KANK1: variants seen among roughly 807,000 people sequenced by gnomAD.
The protein encoded by KANK1 is KN motif and ankyrin repeat domain-containing protein 1.
A neutral mutation model predicts 106.2 loss-of-function variants in KANK1; 109 were observed. The ratio of observed to expected loss-of-function variants is 1.03; its 90% confidence interval spans 0.88 to 1.20. The LOEUF (loss-of-function observed/expected upper bound fraction) is 1.20. KANK1 is among the 50% of genes most tolerant of loss of function. The probability of loss-of-function intolerance (pLI) is 0.00; values close to 1 mark genes in which losing one functional copy is unlikely to be tolerated. For synonymous variants in KANK1, 873 were observed against 652.2 expected (o/e 1.34, Z -5.16); for missense variants, 2,399 against 1,710.7 (o/e 1.40, Z -7.10).
intron 1 of KANK1, among the ~76,000 whole-genome samples, chr9:566,645 G>A (rs567723965): frequency 9.6e-4 from 146 of 152,194 alleles, no homozygotes; most frequent in African/African-American, 3.3e-3. Context: ...CTTGTTGGCC[G>A]CATGTGTGTC....
At chr9:635,428 C>T (rs746158353) in intron 1 of KANK1, among the ~76,000 whole-genome samples, 9 of 152,106 alleles carry the variant, frequency 5.9e-5, no homozygotes, top group African/African-American at 1.9e-4. Flanking sequence ...TCATGTGCTT[C>T]GTAGAGAACC....
At chr9:589,698 A>C (rs768733075) in intron 1 of KANK1, among the ~76,000 whole-genome samples, 1 of 152,168 alleles carries the variant, frequency 6.6e-6, no homozygotes, top group Non-Finnish European at 1.5e-5. Flanking sequence ...TGAAATAGAA[A>C]GGAACATTAA....
Position 505,554 on chromosome 9 carries a change from C to G in KANK1, c.-84+800C>G, listed in dbSNP as rs112910454. Among the ~76,000 whole-genome samples the G allele has an allele frequency of 3.4e-3, 523 of 152,342 alleles. 6 individuals carry two copies. The highest frequency in any genetic ancestry group is 0.012 in the African/African-American group (502 of 41,580). ...CAGCCACGGCTCCTTGACCGTTCATCTCCTTCACCCGGGTCCCGTGGAACT... is the reference window on the plus strand; with the variant it reads ...CAGCCACGGCTCCTTGACCGTTCATGTCCTTCACCCGGGTCCCGTGGAACT... On this transcript the variant is annotated intron_variant, in intron 1 of 11. Coordinates refer to ENST00000382297, the MANE Select transcript of KANK1 (RefSeq NM_015158.5).
At chr9:680,275 C>G (rs901668987) in intron 2 of KANK1, among the ~76,000 whole-genome samples, 2 of 152,112 alleles carry the variant, frequency 1.3e-5, no homozygotes, top group Non-Finnish European at 2.9e-5. Flanking sequence ...AAACCATGCC[C>G]TTGGCACAAA....
intron 3 of KANK1, 44 bp from the exon 4 acceptor site, chr9:730,007 C>T: frequency 9.8e-6 from 15 of 1,523,826 alleles, no homozygotes; most frequent in Middle Eastern, 1.9e-4. Flanking sequence ...CCTGCTTTTT[C>T]AGTCCTAGCA....
At chr9:610,735 C>T (rs1033640662) in intron 1 of KANK1, among the ~76,000 whole-genome samples, 3 of 152,228 alleles carry the variant, frequency 2.0e-5, no homozygotes, top group Admixed American at 6.5e-5. Context: ...CCTTGGAAAG[C>T]TCGGAGGGTT....
intron 1 of KANK1, among the ~76,000 whole-genome samples, chr9:589,962 A>G (rs998866401): frequency 7.2e-5 from 11 of 152,184 alleles, no homozygotes; most frequent in African/African-American, 2.7e-4. Context: ...TTTCCTTGCC[A>G]GATGATGTAA....
intron 1 of KANK1, among the ~76,000 whole-genome samples, chr9:617,830 G>C (rs1256971893): frequency 6.6e-6 from 1 of 152,130 alleles, no homozygotes; most frequent in East Asian, 1.9e-4. Context: ...ATAGGAGTAG[G>C]CTCCATGTAA....
intron 9 of KANK1, 48 bp from the exon 10 acceptor site, chr9:742,157 T>G (rs377607203): frequency 1.7e-5 from 27 of 1,544,840 alleles, no homozygotes; most frequent in Non-Finnish European, 2.3e-5. Context: ...AGGCCACCAC[T>G]GCCAGCTCAG....
intron 1 of KANK1, among the ~76,000 whole-genome samples, chr9:567,057 A>G (rs770548757): frequency 3.9e-5 from 6 of 152,232 alleles, no homozygotes; most frequent in Non-Finnish European, 7.3e-5. Flanking sequence ...AATTTTCTGC[A>G]CATGGCTAGC....
At chr9:634,891 C>G (rs1778276123) in intron 1 of KANK1, among the ~76,000 whole-genome samples, 1 of 152,242 alleles carries the variant, frequency 6.6e-6, no homozygotes, top group African/African-American at 2.4e-5. Context: ...CCACTATGCA[C>G]TGGTACATCC....
intron 3 of KANK1, among the ~76,000 whole-genome samples, chr9:722,710 G>C (rs1000737817): frequency 6.6e-6 from 1 of 152,320 alleles, no homozygotes; most frequent in African/African-American, 2.4e-5. Context: ...TGACAAAGGA[G>C]AGCCAGTTTG....
chr9:719,881 C>G (rs1205981775), intron 3 of KANK1, among the ~76,000 whole-genome samples: 1 of 152,190 alleles, frequency 6.6e-6, no homozygotes, highest in Non-Finnish European at 1.5e-5. Flanking sequence ...CCTTCCAGCT[C>G]TAGTTTCACT....
chr9:508,448 A>T (rs926886948), intron 1 of KANK1, among the ~76,000 whole-genome samples: 2 of 152,196 alleles, frequency 1.3e-5, no homozygotes, highest in East Asian at 3.9e-4. Flanking sequence ...GTAGCTATAC[A>T]TCTTAAGAGT....
chr9:590,449 A>G (rs1266578309), intron 1 of KANK1, among the ~76,000 whole-genome samples: 3 of 152,212 alleles, frequency 2.0e-5, no homozygotes, highest in Non-Finnish European at 4.4e-5. Context: ...GTGTGTCTCA[A>G]GTTATATTTT....
At chr9:567,807 G>C (rs1818178155) in intron 1 of KANK1, among the ~76,000 whole-genome samples, 1 of 152,152 alleles carries the variant, frequency 6.6e-6, no homozygotes, top group Non-Finnish European at 1.5e-5. Context: ...GAGCTTATCA[G>C]AATTAGAGTC....
chr9:545,724 CTTTT>C lies in KANK1; in HGVS notation c.-84+40994_-84+40997del, dbSNP rs61622402. Among the ~76,000 whole-genome samples the C allele has an allele frequency of 3.1e-3, 321 of 102,672 alleles. 1 individual carries two copies. Among genetic ancestry groups the C allele is most frequent in the African/African-American group, 0.012 (302 of 24,284 alleles). The allele number at this position is 102,672 out of a possible 152,430, so 67.4% of individuals were successfully genotyped here. Reference sequence around the variant, plus strand: ...GCAGTACTGTTGGCCTGTACAGAGCCTTTTTTTTTTTTTTTTTTTTTTTTTTTAA... The same window carrying C: ...GCAGTACTGTTGGCCTGTACAGAGCCTTTTTTTTTTTTTTTTTTTTTTTAA... On this transcript the variant is annotated intron_variant, in intron 1 of 11. Coordinates refer to ENST00000382297, the MANE Select transcript of KANK1 (RefSeq NM_015158.5).
chr9:524,367 G>A (rs941268078), intron 1 of KANK1, among the ~76,000 whole-genome samples: 2 of 111,238 alleles, frequency 1.8e-5, no homozygotes, highest in Non-Finnish European at 3.3e-5. Context: ...ACTTTTTGGA[G>A]TGTATGTGTA....
At chr9:590,424 T>G (rs185292596) in intron 1 of KANK1, among the ~76,000 whole-genome samples, 204 of 152,284 alleles carry the variant, frequency 1.3e-3, no homozygotes, top group African/African-American at 4.7e-3. Context: ...ATTTCCTCCT[T>G]TACCAGACAG....
Sources: gnomAD v4.1 joint callset for allele counts (sites outside exome capture counted in the v4.1 genomes callset) on GRCh38, gnomAD v4.1.1 for gene constraint, MANE v1.5 for transcripts, NCBI Gene and HGNC (gene_info 2026-07-23, HGNC 2026-07-21) for gene names.